Variants in NMNAT3 observed in about 807,000 individuals in gnomAD.
The protein encoded by NMNAT3 is nicotinamide/nicotinic acid mononucleotide adenylyltransferase 3.
A neutral mutation model predicts 24.8 loss-of-function variants in NMNAT3; 21 were observed. The ratio of observed to expected loss-of-function variants is 0.85; its 90% CI spans 0.60 to 1.22. The LOEUF (loss-of-function observed/expected upper bound fraction) is 1.22. Ranked by LOEUF, NMNAT3 falls within the 50% of genes most tolerant of loss-of-function variation. The probability of loss-of-function intolerance (pLI) is 0.00; values close to 1 mark genes in which losing one functional copy is unlikely to be tolerated. For missense variants in NMNAT3, 387 were observed against 436.6 expected (o/e 0.89, Z 1.01); for synonymous variants, 136 against 155.2 (o/e 0.88, Z 0.92).
intron 1 of NMNAT3, among the ~76,000 whole-genome samples, chr3:139,644,958 C>G (rs1344143973): frequency 1.3e-4 from 20 of 152,128 alleles, no homozygotes; most frequent in Non-Finnish European, 2.9e-4. Flanking sequence ...AATCCCAGTA[C>G]TTTGGGAGGC....
chr3:139,602,941 C>T (rs192115945), intron 3 of NMNAT3, among the ~76,000 whole-genome samples: 6 of 152,070 alleles, frequency 3.9e-5, no homozygotes, highest in African/African-American at 1.4e-4. Flanking sequence ...TTTAAAATAA[C>T]CTAAAGTTGC....
chr3:139,622,099 T>C (rs1426936134), intron 3 of NMNAT3, among the ~76,000 whole-genome samples: 1 of 152,202 alleles, frequency 6.6e-6, no homozygotes, highest in African/African-American at 2.4e-5. Context: ...GTAGATACCT[T>C]GTAGTGGGAT....
In NMNAT3 at chr3:139,663,798, G is replaced by T. The variant is rs535275713; in HGVS notation, c.-141+13907C>A. 3.2e-4 allele frequency among the ~76,000 whole-genome samples: 48 copies of T among 152,314 alleles called. No individual in the cohort carries two copies. The South Asian group carries it at 9.1e-3, about 29-fold the overall frequency. On this transcript the variant is annotated intron_variant, in intron 1 of 6. Coordinates refer to ENST00000643695, the MANE Select transcript of NMNAT3 (RefSeq NM_001320510.2). ...CCCAGCTCAAGTACTGCCCGTGAAA[G>T]GGGGAGATGTAGACTTATGGTCACA...
rs140055206 is a variant in NMNAT3, at chr3:139,653,910, G to A, written c.-140-15848C>T. 1.2e-3 allele frequency among the ~76,000 whole-genome samples: 184 copies of A among 152,296 alleles called. 1 individual carries two copies. Among genetic ancestry groups the A allele is most frequent in the African/African-American group, 4.3e-3 (177 of 41,560 alleles). ...TTTTCTAGTTTAGCCTCATCATTCC[G>A]TAGATCAGCAGGTTGGAGACAAGCT... On this transcript the variant is annotated intron_variant, in intron 1 of 6. Coordinates refer to ENST00000643695, the MANE Select transcript of NMNAT3 (RefSeq NM_001320510.2).
At chr3:139,612,036 G>A (rs1973430) in intron 3 of NMNAT3, among the ~76,000 whole-genome samples, 141,273 of 152,010 alleles carry the variant, frequency 0.93, 66,561 homozygotes, top group East Asian at 1. Context: ...GTGTGGTGGC[G>A]CATGCCTGTA....
At chr3:139,666,156 A>G (rs1048929235) in intron 1 of NMNAT3, among the ~76,000 whole-genome samples, 1 of 152,196 alleles carries the variant, frequency 6.6e-6, no homozygotes, top group East Asian at 1.9e-4. Flanking sequence ...CGCTGTCCAC[A>G]TGCTCTTCTT....
At chr3:139,659,282 G>A (rs1053358423) in intron 1 of NMNAT3, among the ~76,000 whole-genome samples, 1 of 152,180 alleles carries the variant, frequency 6.6e-6, no homozygotes, top group Non-Finnish European at 1.5e-5. Context: ...GATCAGAGGT[G>A]CTCAAAGTTA....
At chr3:139,660,160 T>G (rs1480915221) in intron 1 of NMNAT3, among the ~76,000 whole-genome samples, 1 of 152,176 alleles carries the variant, frequency 6.6e-6, no homozygotes, top group East Asian at 1.9e-4. Context: ...CCTCTCCTCC[T>G]GAGTACAGAC....
At chr3:139,565,764 G>A (rs1476192500) in intron 6 of NMNAT3, 2 of 152,174 alleles carry the variant, frequency 1.3e-5, no homozygotes, top group Non-Finnish European at 2.9e-5. Flanking sequence ...GTCTATCGTT[G>A]TTGGACATTT....
intron 6 of NMNAT3, among the ~76,000 whole-genome samples, chr3:139,563,777 T>C (rs1192739209): frequency 2.0e-5 from 3 of 152,188 alleles, no homozygotes; most frequent in African/African-American, 4.8e-5. Flanking sequence ...TACAACACTG[T>C]TACAAAATTT....
At chr3:139,606,724 C>A (rs1332345734) in intron 3 of NMNAT3, among the ~76,000 whole-genome samples, 1 of 152,124 alleles carries the variant, frequency 6.6e-6, no homozygotes, top group African/African-American at 2.4e-5. Flanking sequence ...TAGTATTCTA[C>A]CGTAAGGAAG....
intron 1 of NMNAT3, among the ~76,000 whole-genome samples, chr3:139,653,720 C>A (rs866575322): frequency 6.6e-6 from 1 of 152,270 alleles, no homozygotes; most frequent in Middle Eastern, 3.4e-3. Flanking sequence ...TCCCCACAGC[C>A]CCACCCTATT....
rs1261281424 is a variant in NMNAT3, at chr3:139,583,075, C to A, written c.243G>T (p.Lys81Asn). Residue 81 changes from lysine to asparagine, a missense_variant, in exon 4 of 7, where the codon AAG becomes AAT. Lys to Asn is a moderately conservative substitution (Grantham distance 94). Around this residue, in one of 3 missense-constraint regions of NMNAT3, gnomAD observed 323 missense variants for 345.2 expected, o/e 0.94. Transcript: ENST00000643695. The stretch of plus-strand genomic sequence containing the variant: ...CAGTTCTTTTGCGTTTAAAAGATGA[C>A]TTGTCAGGGTCATCATTTTTGCTGC... The A allele has an allele frequency of 6.3e-7, 1 of 1,599,704 alleles. No individual in the cohort carries two copies. Among genetic ancestry groups the A allele is most frequent in the East Asian group, 2.2e-5 (1 of 44,812 alleles).
chr3:139,612,753 C>T lies in NMNAT3; in HGVS notation c.109+14863G>A, dbSNP rs2055286780. On this transcript the variant is annotated intron_variant, in intron 3 of 6. Coordinates refer to ENST00000643695, the MANE Select transcript of NMNAT3 (RefSeq NM_001320510.2). ...GGTGAGCGAGTTGGTTAAAGACTTTCCAAAACAGCATGGTACTGGTACCAA... is the reference window on the plus strand; with the variant it reads ...GGTGAGCGAGTTGGTTAAAGACTTTTCAAAACAGCATGGTACTGGTACCAA... 2.0e-5 allele frequency among the ~76,000 whole-genome samples: 3 copies of T among 152,100 alleles called. No individual in the cohort carries two copies. In the South Asian group the frequency reaches 6.2e-4, roughly 32 times the overall value.
rs759757740 is a variant in NMNAT3, at chr3:139,561,384, C to A, written c.667G>T (p.Glu223Ter). ...TCTGCCCCACAGAGAAGCTTCAGCT[C>A]AGGCACAGCTGCAAAAACAAGGATG... The change falls in exon 7 of 7, where the codon GAG (glutamate) becomes TAG (stop). Residue 223 changes from glutamate (E) to a stop codon, truncating the protein, a stop_gained. Coordinates refer to ENST00000643695, the MANE Select transcript of NMNAT3 (RefSeq NM_001320510.2). LOFTEE classifies it low-confidence loss of function (END_TRUNC). 7 of 1,611,764 alleles carry A rather than the reference C, an allele frequency of 4.3e-6. No homozygotes were observed. Among genetic ancestry groups the A allele is most frequent in the Non-Finnish European group, 5.9e-6 (7 of 1,178,282 alleles).
At chr3:139,562,649 C>T (rs1385985095) in intron 6 of NMNAT3, among the ~76,000 whole-genome samples, 1 of 152,174 alleles carries the variant, frequency 6.6e-6, no homozygotes, top group Non-Finnish European at 1.5e-5. Context: ...TGAGTTCACA[C>T]AAAAGCACTG....
chr3:139,579,504 G>A (rs1219654522), intron 4 of NMNAT3, among the ~76,000 whole-genome samples: 1 of 152,176 alleles, frequency 6.6e-6, no homozygotes, highest in African/African-American at 2.4e-5. Context: ...AAGGACAAAG[G>A]GATGGGATTT....
At chr3:139,603,792 T>C (rs898108849) in intron 3 of NMNAT3, among the ~76,000 whole-genome samples, 5 of 151,002 alleles carry the variant, frequency 3.3e-5, no homozygotes, top group African/African-American at 9.9e-5. Context: ...CCACTGCCAC[T>C]AGTGCAAACA....
chr3:139,636,620 G>A (rs2056512703), intron 2 of NMNAT3: 2 of 152,206 alleles, frequency 1.3e-5, no homozygotes, highest in African/African-American at 4.8e-5. Context: ...TGCGTTCCTA[G>A]ATGGGTCTTT....
Sources: gnomAD v4.1 joint callset for allele counts (sites outside exome capture counted in the v4.1 genomes callset) on GRCh38, gnomAD v4.1.1 for gene constraint, gnomAD v4.1.1 regional missense constraint, MANE v1.5 for transcripts, NCBI Gene and HGNC (gene_info 2026-07-23, HGNC 2026-07-21) for gene names.